The following FRY variants were observed in gnomAD, a reference collection of about 807,000 sequenced individuals.
FRY encodes the protein protein furry homolog.
FRY carries 128 observed loss-of-function variants against 348.4 expected under a neutral mutation model. The ratio of observed to expected loss-of-function variants is 0.37; its 90% CI spans 0.32 to 0.43. The LOEUF is 0.43. FRY is among the 20% of genes least tolerant of loss of function. FRY has a pLI of 1.00. For synonymous variants in FRY, 1,370 were observed against 1,374.7 expected, an observed-to-expected ratio of 1.00 and a Z score of 0.08; for missense variants, 2,736 against 3,695.2, an observed-to-expected ratio of 0.74 and a Z score of 6.73.
At chr13:32,144,081 A>G (rs879451327) in intron 11 of FRY, among the ~76,000 whole-genome samples, 11 of 152,264 alleles carry the variant, frequency 7.2e-5, no homozygotes, top group Admixed American at 3.3e-4. Flanking sequence ...TTGGAAGACG[A>G]GTAGTCAGAA....
chr13:32,294,253 C>G, intron 59 of FRY, 115 bp from the exon 60 acceptor site: 1 of 727,160 alleles, frequency 1.4e-6, no homozygotes, highest in Non-Finnish European at 2.4e-6. Context: ...TCTGAATTTA[C>G]CAAGGTATTA....
chr13:32,054,092 G>A (rs181005376), intron 1 of FRY, among the ~76,000 whole-genome samples: 3 of 152,282 alleles, frequency 2.0e-5, no homozygotes, highest in African/African-American at 7.2e-5. Context: ...ACTCAGAACT[G>A]AACTCCCATT....
chr13:32,182,255 A>T (rs1325084609), intron 23 of FRY, among the ~76,000 whole-genome samples: 2 of 152,222 alleles, frequency 1.3e-5, no homozygotes, highest in East Asian at 3.8e-4. Context: ...AACTAATTAG[A>T]TTAGAAAGTG....
intron 58 of FRY, among the ~76,000 whole-genome samples, chr13:32,283,011 G>A (rs563230156): frequency 6.6e-6 from 1 of 152,008 alleles, no homozygotes. Flanking sequence ...CACAGTGGTG[G>A]GTGCCTGTAA....
At chr13:32,292,419 G>C (rs1566201019) in intron 59 of FRY, among the ~76,000 whole-genome samples, 1 of 152,190 alleles carries the variant, frequency 6.6e-6, no homozygotes, top group Non-Finnish European at 1.5e-5. Context: ...ATTGACTGCA[G>C]TTTTGAAAGA....
intron 1 of FRY, among the ~76,000 whole-genome samples, chr13:32,058,452 C>T (rs1873759636): frequency 6.6e-6 from 1 of 152,164 alleles, no homozygotes; most frequent in East Asian, 1.9e-4. Flanking sequence ...ATGTGAAAGG[C>T]ATTCTCTTTC....
rs200634793 is a variant in FRY at position 32,295,298 on chromosome 13, G to A, written c.8880G>A (p.Thr2960=). The part of the protein sequence containing the change: ...IYFRHQTLGQ[T]GTYALVGSNQ... ...TCCGTCACCAAACTCTGGGACAGAC[G>A]GGTACTTATGCCCTGGTGGGGTCTA... Residue 2960 remains threonine (T), a synonymous_variant, in exon 61 of 61, where the codon ACG becomes ACA. Coordinates refer to ENST00000542859, the MANE Select transcript of FRY (RefSeq NM_023037.3). The A allele has an allele frequency of 8.3e-5, 134 of 1,613,878 alleles. No individual in the cohort carries two copies. In the African/African-American group the frequency reaches 1.5e-3, roughly 18 times the overall value.
chr13:32,180,800 A>C (rs182831695), intron 23 of FRY, among the ~76,000 whole-genome samples: 2 of 152,272 alleles, frequency 1.3e-5, no homozygotes, highest in East Asian at 3.9e-4. Flanking sequence ...TTTATGAGAA[A>C]CCCTACTTGA....
At chr13:32,263,775 G>A (rs140617134) in intron 53 of FRY, among the ~76,000 whole-genome samples, 1,953 of 152,312 alleles carry the variant, frequency 0.013, 58 homozygotes, top group African/African-American at 0.044. Context: ...TCGGGAGGCC[G>A]AGGCGGGTGG....
rs528747705 is a variant in FRY at position 32,297,618 on chromosome 13, G to T, written c.*2158G>T. 1 of 152,120 alleles carries T rather than the reference G, an allele frequency of 6.6e-6. No homozygotes were observed. The highest frequency in any genetic ancestry group is 2.4e-5 in the African/African-American group (1 of 41,404). The allele number at this position is 152,120 out of a possible 1,614,324, so 9.4% of individuals were successfully genotyped here. On this transcript the variant is annotated 3_prime_UTR_variant, in exon 61 of 61. Coordinates refer to ENST00000542859, the MANE Select transcript of FRY (RefSeq NM_023037.3). The stretch of plus-strand genomic sequence containing the variant: ...AAAAGGAGATGTATTAATGTGAAAG[G>T]TTTCTTCTACTTTTCCTCTATCTCT...
At chr13:32,118,877 C>T (rs1240508425) in intron 4 of FRY, among the ~76,000 whole-genome samples, 2 of 152,054 alleles carry the variant, frequency 1.3e-5, no homozygotes, top group African/African-American at 2.4e-5. Context: ...TTCCATATTA[C>T]ATGTTGTCTT....
rs1355562498 is a variant in FRY at position 32,295,716 on chromosome 13, A to G, written c.*256A>G. 4 of 564,028 alleles carry G rather than the reference A, an allele frequency of 7.1e-6. No homozygotes were observed. The highest frequency in any genetic ancestry group is 4.8e-4 in the Middle Eastern group (1 of 2,098). 34.9% of individuals were successfully genotyped at this position (564,028 alleles called of 1,614,324 possible). On this transcript the variant is annotated 3_prime_UTR_variant, in exon 61 of 61. Coordinates refer to ENST00000542859, the MANE Select transcript of FRY (RefSeq NM_023037.3). ...ACAAATGTGTTACATTTGACCGAGC[A>G]TATGCAACTCGCTACTGAAGAAGTG...
In FRY at chr13:32,092,725, C is replaced by T. The variant is rs561946169; in HGVS notation, c.271-9238C>T. Reference sequence around the variant, plus strand: ...AAAACTCAAAGAGAAACCCAGAGTGCGAACTGAGGACTACATCTTACTTCT... The same window carrying T: ...AAAACTCAAAGAGAAACCCAGAGTGTGAACTGAGGACTACATCTTACTTCT... On this transcript the variant is annotated intron_variant, in intron 2 of 60. Coordinates refer to ENST00000542859, the MANE Select transcript of FRY (RefSeq NM_023037.3). Among the ~76,000 whole-genome samples, 6 of 152,212 alleles carry T rather than the reference C, an allele frequency of 3.9e-5. No homozygotes were observed. The South Asian group carries it at 6.2e-4, about 16-fold the overall frequency.
chr13:32,141,509 C>T (rs976806816), intron 11 of FRY, among the ~76,000 whole-genome samples: 1 of 152,162 alleles, frequency 6.6e-6, no homozygotes, highest in South Asian at 2.1e-4. Flanking sequence ...TAGGTCTTTA[C>T]CTTAACATAC....
chr13:32,176,979 C>G (rs867304795), intron 20 of FRY, among the ~76,000 whole-genome samples: 142 of 152,312 alleles, frequency 9.3e-4, no homozygotes, highest in African/African-American at 3.1e-3. Context: ...GTTGCCATCT[C>G]ATCTCTCAGG....
At chr13:32,096,244 C>A (rs1028032328) in intron 2 of FRY, among the ~76,000 whole-genome samples, 3 of 152,114 alleles carry the variant, frequency 2.0e-5, no homozygotes, top group African/African-American at 7.2e-5. Context: ...GAACCTGATT[C>A]TCTGTTCGCA....
In FRY at chr13:32,133,349, A is replaced by G. The variant is rs531413899; in HGVS notation, c.885+1509A>G. ...CACTTCCCTTATCTGCAAGGTGATG[A>G]TAATGACACTAACCTTAGAGAGTGG... On this transcript the variant is annotated intron_variant, in intron 8 of 60. Transcript: ENST00000542859. Among the ~76,000 whole-genome samples the G allele has an allele frequency of 2.6e-5, 4 of 152,314 alleles. No individual in the cohort carries two copies. The South Asian group carries it at 8.3e-4, about 32-fold the overall frequency.
intron 1 of FRY, among the ~76,000 whole-genome samples, chr13:32,046,525 G>C (rs779783948): frequency 6.6e-5 from 10 of 152,182 alleles, no homozygotes; most frequent in Non-Finnish European, 1.2e-4. Flanking sequence ...GTATCAGCCC[G>C]TTTGTGTTAA....
Position 32,134,925 on chromosome 13 carries a change from GA to G in FRY, c.908del (p.Glu303GlyfsTer30), listed in dbSNP as rs1566089862. The G allele has an allele frequency of 6.2e-7, 1 of 1,610,736 alleles. No individual in the cohort carries two copies. The highest frequency in any genetic ancestry group is 8.5e-7 in the Non-Finnish European group (1 of 1,177,166). On this transcript the variant is annotated frameshift_variant, in exon 9 of 61. Transcript: ENST00000542859. LOFTEE classifies it high-confidence loss of function. Reference protein sequence around the residue: ...FMQECAHYFLEVKDKDIKHAL... With the variant: ...FMQECAHYFLXVKDKDIKHAL... The stretch of plus-strand genomic sequence containing the variant: ...CCAGGAATGTGCACATTACTTCCTC[GA>G]GGTCAAAGACAAAGATATCAAGCAT...
Sources: gnomAD v4.1 joint callset for allele counts (sites outside exome capture counted in the v4.1 genomes callset) on GRCh38, gnomAD v4.1.1 for gene constraint, MANE v1.5 for transcripts, NCBI Gene and HGNC (gene_info 2026-07-23, HGNC 2026-07-21) for gene names.